C2CD2: variants seen among roughly 807,000 people sequenced by gnomAD.
C2CD2 encodes the protein C2 domain-containing protein 2.
A neutral mutation model predicts 74.3 loss-of-function variants in C2CD2; 43 were observed. The observed-to-expected ratio is 0.58, with a 90% CI of 0.45 to 0.75. The LOEUF (loss-of-function observed/expected upper bound fraction) is 0.75, where lower values mean the gene tolerates loss of function less well. C2CD2 is among the 30% of genes least tolerant of loss of function. The probability of loss-of-function intolerance (pLI) is 0.00; values close to 1 mark genes in which losing one functional copy is unlikely to be tolerated. For synonymous variants in C2CD2, 422 were observed against 390.7 expected, an observed-to-expected ratio of 1.08 and a Z score of -0.94; for missense variants, 801 against 916.3, an observed-to-expected ratio of 0.87 and a Z score of 1.63.
chr21:41,934,272 A>G (rs1223151335), intron 2 of C2CD2, among the ~76,000 whole-genome samples: 3 of 152,090 alleles, frequency 2.0e-5, no homozygotes, highest in African/African-American at 7.2e-5. Context: ...TACAGAAAAA[A>G]TAAAAAAACT....
intron 1 of C2CD2, among the ~76,000 whole-genome samples, chr21:41,947,822 G>C (rs75509068): frequency 6.6e-5 from 10 of 152,160 alleles, no homozygotes; most frequent in African/African-American, 2.2e-4. Flanking sequence ...CGCACAGCTA[G>C]GAGGGTAGAG....
chr21:41,909,585 T>C, intron 7 of C2CD2, 62 bp from the exon 8 acceptor site: 1 of 1,104,878 alleles, frequency 9.1e-7, no homozygotes, highest in East Asian at 2.3e-5. Flanking sequence ...TTTTATGAAA[T>C]AGAGTGTTTT....
chr21:41,921,822 A>G, intron 3 of C2CD2, 150 bp downstream of exon 3: 2 of 612,218 alleles, frequency 3.3e-6, no homozygotes, highest in Non-Finnish European at 3.0e-6. Context: ...AGAAAATCCT[A>G]TATGAAAGGT....
At chr21:41,906,415 T>G (rs401217) in intron 10 of C2CD2, among the ~76,000 whole-genome samples, 106,531 of 152,162 alleles carry the variant, frequency 0.7, 38,191 homozygotes, top group African/African-American at 0.86. Context: ...GTCCAGGCTG[T>G]AGTGCAATGG....
chr21:41,931,525 C>T (rs555987633), intron 2 of C2CD2, among the ~76,000 whole-genome samples: 2 of 148,460 alleles, frequency 1.3e-5, no homozygotes, highest in East Asian at 4.0e-4. Context: ...CAGATTCAAG[C>T]AATTCCCCTG....
chr21:41,951,067 G>A (rs2065446738), intron 1 of C2CD2, among the ~76,000 whole-genome samples: 1 of 152,100 alleles, frequency 6.6e-6, no homozygotes, highest in African/African-American at 2.4e-5. Context: ...AGCCACGAAT[G>A]GACACAGCAG....
At chr21:41,946,873 T>C (rs2146233534) in intron 1 of C2CD2, among the ~76,000 whole-genome samples, 2 of 151,884 alleles carry the variant, frequency 1.3e-5, no homozygotes, top group Middle Eastern at 6.8e-3. Context: ...GTCAGCAAAA[T>C]AATGATCAAC....
At chr21:41,932,194 G>GA (rs1448394182) in intron 2 of C2CD2, among the ~76,000 whole-genome samples, 1 of 149,818 alleles carries the variant, frequency 6.7e-6, no homozygotes, top group Admixed American at 6.7e-5. Flanking sequence ...TGGGTTTGGG[G>GA]AGCTTCCAAG....
rs1367094844 is a variant in C2CD2 at position 41,892,534 on chromosome 21, G to A, written c.1871-3190C>T. On this transcript the variant is annotated intron_variant, in intron 13 of 13. Coordinates refer to ENST00000380486, the MANE Select transcript of C2CD2 (RefSeq NM_015500.2). This position sits in a 1 kb window ranked among gnomAD's most constrained non-coding sequence, Gnocchi z 4.6. ...GGCAGCAACATGGAGGAGTGGAGGCGGAGAGGACAGTGAAGCAGCATCCTC... is the reference window on the plus strand; with the variant it reads ...GGCAGCAACATGGAGGAGTGGAGGCAGAGAGGACAGTGAAGCAGCATCCTC... Among the ~76,000 whole-genome samples, 6 of 152,196 alleles carry A rather than the reference G, an allele frequency of 3.9e-5. No individual in the cohort carries two copies. The highest frequency in any genetic ancestry group is 1.2e-4 in the African/African-American group (5 of 41,450).
intron 7 of C2CD2, among the ~76,000 whole-genome samples, 156 bp from the exon 8 acceptor site, chr21:41,909,679 T>C (rs369279378): frequency 4.2e-4 from 64 of 152,232 alleles, no homozygotes; most frequent in African/African-American, 1.5e-3. Flanking sequence ...AAGAGTTATC[T>C]GCAACCTCCC....
chr21:41,905,840 GC>G lies in C2CD2; in HGVS notation c.1319-4del. On this transcript the variant is annotated splice_region_variant and splice_polypyrimidine_tract_variant and intron_variant, in intron 10 of 13. Transcript: ENST00000380486. ...GATGGGAGTCTTCACCGGAGAATCT[GC>G]CAGAGGAAGATCCTGATTACAAAAG... 2 of 1,508,220 alleles carry G rather than the reference GC, an allele frequency of 1.3e-6. No homozygotes were observed. The highest frequency in any genetic ancestry group is 1.8e-6 in the Non-Finnish European group (2 of 1,083,504). The allele number at this position is 1,508,220 out of a possible 1,614,324, so 93.4% of individuals were successfully genotyped here.
At chr21:41,893,935 G>A (rs1306757745) in intron 13 of C2CD2, among the ~76,000 whole-genome samples, 3 of 152,132 alleles carry the variant, frequency 2.0e-5, no homozygotes, top group Non-Finnish European at 4.4e-5. Flanking sequence ...TCCTGACCTC[G>A]TGATCCGCCC....
intron 13 of C2CD2, 126 bp downstream of exon 13, chr21:41,898,927 G>A (rs2064855775): frequency 1.4e-6 from 1 of 738,486 alleles, no homozygotes; most frequent in South Asian, 1.6e-5. Flanking sequence ...GAGGGGCAGG[G>A]GTGAGGCTGG....
At chr21:41,950,512 TG>T (rs1418726450) in intron 1 of C2CD2, among the ~76,000 whole-genome samples, 3 of 152,378 alleles carry the variant, frequency 2.0e-5, no homozygotes, top group Non-Finnish European at 4.4e-5. Context: ...CCTCCGGTGC[TG>T]ACCAGTCCTT....
intron 10 of C2CD2, among the ~76,000 whole-genome samples, chr21:41,906,366 G>A (rs1223357637): frequency 6.6e-6 from 1 of 152,156 alleles, no homozygotes; most frequent in African/African-American, 2.4e-5. Flanking sequence ...GTTTTGTTTT[G>A]TTTTGTTTTT....
At chr21:41,933,154 TGAC>T (rs71332345) in intron 2 of C2CD2, among the ~76,000 whole-genome samples, 38,898 of 150,184 alleles carry the variant, frequency 0.26, 6,972 homozygotes, top group Middle Eastern at 0.4. Context: ...AGAGGCAACC[TGAC>T]ACCAAAGTGT....
Position 41,899,393 on chromosome 21 carries a change from G to T in C2CD2, c.1561-31C>A. ...AGGGGCAGTGGGGAAGATGACAAGG[G>T]ATACATGAAAGGAAGGGAGGGTTTG... On this transcript the variant is annotated intron_variant, in intron 12 of 13. Transcript: ENST00000380486. This position sits in a 1 kb window ranked among gnomAD's most constrained non-coding sequence, Gnocchi z 4.4. 3 of 1,586,380 alleles carry T rather than the reference G, an allele frequency of 1.9e-6. No homozygotes were observed. Among genetic ancestry groups the T allele is most frequent in the Middle Eastern group, 3.3e-4 (2 of 6,022 alleles).
chr21:41,914,207 C>T (rs77732865), intron 6 of C2CD2, among the ~76,000 whole-genome samples: 5,413 of 148,388 alleles, frequency 0.036, 184 homozygotes, highest in East Asian at 0.2. Flanking sequence ...GCCTGGGCAA[C>T]AAGAGCGAAA....
chr21:41,912,847 T>C (rs2065044440), intron 6 of C2CD2, among the ~76,000 whole-genome samples: 1 of 152,222 alleles, frequency 6.6e-6, no homozygotes, highest in African/African-American at 2.4e-5. Flanking sequence ...AAAGGCTAAA[T>C]TAAATGACTA....
Sources: gnomAD v4.1 joint callset for allele counts (sites outside exome capture counted in the v4.1 genomes callset) on GRCh38, gnomAD v4.1.1 for gene constraint, Gnocchi (gnomAD v3.1) non-coding constraint, MANE v1.5 for transcripts, NCBI Gene and HGNC (gene_info 2026-07-23, HGNC 2026-07-21) for gene names.